ABTB3: variants seen among roughly 807,000 people sequenced by gnomAD.
The protein encoded by ABTB3 is ankyrin repeat- and BTB/POZ domain-containing protein 3.
chr12:107,440,685 C>T, the ABTB3 span, among the ~76,000 whole-genome samples: 2 of 152,082 alleles, frequency 1.3e-5, no homozygotes, highest in South Asian at 2.1e-4. Context: ...GCACCAGGAA[C>T]CTACGTGTCA....
At chr12:107,323,356 A>G in the ABTB3 span, among the ~76,000 whole-genome samples, 1 of 152,166 alleles carries the variant, frequency 6.6e-6, no homozygotes, top group African/African-American at 2.4e-5. Flanking sequence ...TGCCCAGGCT[A>G]AGGAATTGTG....
At chr12:107,625,248 T>C in the ABTB3 span, among the ~76,000 whole-genome samples, 1 of 152,352 alleles carries the variant, frequency 6.6e-6, no homozygotes, top group Non-Finnish European at 1.5e-5. Flanking sequence ...TTGTCAGATA[T>C]GTGGTTTGCA....
the ABTB3 span, among the ~76,000 whole-genome samples, chr12:107,518,832 AATACTT>A: frequency 1.2e-5 from 1 of 80,428 alleles, no homozygotes; most frequent in African/African-American, 6.4e-5. Context: ...TGTGTTGACA[AATACTT>A]AATACTTGTT....
At chr12:107,569,552 C>G in the ABTB3 span, among the ~76,000 whole-genome samples, 1 of 152,094 alleles carries the variant, frequency 6.6e-6, no homozygotes, top group African/African-American at 2.4e-5. Context: ...GAACAAATAT[C>G]GAGTCTCAAG....
At chr12:107,543,193 G>A in the ABTB3 span, among the ~76,000 whole-genome samples, 1 of 151,888 alleles carries the variant, frequency 6.6e-6, no homozygotes, top group Non-Finnish European at 1.5e-5. Context: ...AAAATTAACC[G>A]GTTGTGGTGG....
At chr12:107,325,547 T>C in the ABTB3 span, among the ~76,000 whole-genome samples, 2 of 152,212 alleles carry the variant, frequency 1.3e-5, no homozygotes, top group East Asian at 1.9e-4. Context: ...GCAAGTTGGG[T>C]GTTTTCCTGA....
chr12:107,495,383 C>T, the ABTB3 span, among the ~76,000 whole-genome samples: 2 of 152,184 alleles, frequency 1.3e-5, no homozygotes, highest in Admixed American at 6.5e-5. Context: ...GCCAGATTGT[C>T]CCCCAAGCCC....
the ABTB3 span, among the ~76,000 whole-genome samples, chr12:107,393,797 G>T: frequency 6.6e-6 from 1 of 152,232 alleles, no homozygotes; most frequent in South Asian, 2.1e-4. Flanking sequence ...AGGGATGGTG[G>T]CAGGCGCCTG....
the ABTB3 span, among the ~76,000 whole-genome samples, chr12:107,371,991 A>C: frequency 4.6e-5 from 7 of 152,318 alleles, no homozygotes; most frequent in African/African-American, 1.4e-4. Context: ...GGTCTTCTTC[A>C]TAGTTCTGTG....
the ABTB3 span, among the ~76,000 whole-genome samples, chr12:107,586,606 C>G: frequency 2.0e-5 from 3 of 152,178 alleles, no homozygotes; most frequent in Non-Finnish European, 4.4e-5. Context: ...AATGCATTAG[C>G]GCCTCCCAGA....
chr12:107,444,213 C>T, the ABTB3 span, among the ~76,000 whole-genome samples: 1 of 152,362 alleles, frequency 6.6e-6, no homozygotes, highest in Non-Finnish European at 1.5e-5. Flanking sequence ...TGCCAGTCCC[C>T]CACCCAGGGT....
chr12:107,403,657 A>G, the ABTB3 span, among the ~76,000 whole-genome samples: 1 of 152,318 alleles, frequency 6.6e-6, no homozygotes, highest in Non-Finnish European at 1.5e-5. Context: ...TGTTTTTAAA[A>G]ACTTACAGCT....
At chr12:107,384,071 C>T in the ABTB3 span, among the ~76,000 whole-genome samples, 2 of 152,172 alleles carry the variant, frequency 1.3e-5, no homozygotes, top group Non-Finnish European at 2.9e-5. Context: ...CCTGCAGTCT[C>T]TATGGGAGTG....
At chr12:107,541,509 G>C in the ABTB3 span, among the ~76,000 whole-genome samples, 1 of 152,204 alleles carries the variant, frequency 6.6e-6, no homozygotes, top group African/African-American at 2.4e-5. Context: ...GTGATTGTGG[G>C]AGCTGGCAAG....
chr12:107,543,176 A>G, the ABTB3 span, among the ~76,000 whole-genome samples: 2 of 151,968 alleles, frequency 1.3e-5, no homozygotes, highest in African/African-American at 4.8e-5. Flanking sequence ...TCTCTACTAA[A>G]ATTACGAAAA....
At chr12:107,471,599 G>A in the ABTB3 span, among the ~76,000 whole-genome samples, 1 of 152,190 alleles carries the variant, frequency 6.6e-6, no homozygotes, top group Non-Finnish European at 1.5e-5. Flanking sequence ...TGAGGTTGGT[G>A]TGAGCTTTGC....
chr12:107,333,651 C>T, the ABTB3 span, among the ~76,000 whole-genome samples: 6 of 152,126 alleles, frequency 3.9e-5, no homozygotes, highest in African/African-American at 1.4e-4. Context: ...ACCATTCATT[C>T]GATCATTTGT....
the ABTB3 span, among the ~76,000 whole-genome samples, chr12:107,580,334 T>C: frequency 6.6e-6 from 1 of 152,212 alleles, no homozygotes; most frequent in Non-Finnish European, 1.5e-5. Flanking sequence ...TTATCATCAC[T>C]GGAAGAAATA....
chr12:107,520,550 G>C, the ABTB3 span: 1 of 1,614,224 alleles, frequency 6.2e-7, no homozygotes, highest in Non-Finnish European at 8.5e-7. Flanking sequence ...AACAAGCCAG[G>C]GGAACTGCCC....
Sources: gnomAD v4.1 joint callset for allele counts (sites outside exome capture counted in the v4.1 genomes callset) on GRCh38, gnomAD v4.1.1 for gene constraint, MANE v1.5 for transcripts, NCBI Gene and HGNC (gene_info 2026-07-23, HGNC 2026-07-21) for gene names.